CDH24: variants seen among roughly 807,000 people sequenced by gnomAD.
CDH24 encodes the protein cadherin-24.
CDH24 carries 61 observed loss-of-function variants against 71.2 expected under a neutral mutation model. That is an observed-to-expected ratio of 0.86 (90% CI 0.70 to 1.06). The LOEUF is 1.06. Ranked by LOEUF, CDH24 falls within the 50% of genes least tolerant of loss-of-function variation. The probability of loss-of-function intolerance (pLI) is 0.00; values close to 1 mark genes in which losing one functional copy is unlikely to be tolerated. For missense variants in CDH24, 961 were observed against 1,083.7 expected, an observed-to-expected ratio of 0.89 and a Z score of 1.59; for synonymous variants, 440 against 470.2, an observed-to-expected ratio of 0.94 and a Z score of 0.83.
Position 23,055,491 on chromosome 14 carries a change from AG to A in CDH24, c.201+41del, listed in dbSNP as rs778544633. 10 of 1,606,772 alleles carry A rather than the reference AG, an allele frequency of 6.2e-6. No homozygotes were observed. In the Admixed American group the frequency reaches 1.7e-4, roughly 27 times the overall value. On this transcript the variant is annotated intron_variant, in intron 2 of 12. Transcript: ENST00000487137. The surrounding 1 kb of genome is among the most constrained non-coding windows in gnomAD (Gnocchi z 4.1). ...TGATGAAGTTGCAGGGCAGGGCCTGAGGGCTTGGTGTCAGAGTAGACATGGG... is the reference window on the plus strand; with the variant it reads ...TGATGAAGTTGCAGGGCAGGGCCTGAGGCTTGGTGTCAGAGTAGACATGGG...
chr14:23,048,271 C>A lies in CDH24; in HGVS notation c.2055G>T (p.Leu685Phe). The A allele has an allele frequency of 6.5e-7, 1 of 1,541,256 alleles. No individual in the cohort carries two copies. The highest frequency in any genetic ancestry group is 8.7e-7 in the Non-Finnish European group (1 of 1,151,576). The change falls in exon 12 of 13, where the codon TTG becomes TTT. Residue 685 changes from leucine to phenylalanine, a missense_variant. Coordinates refer to ENST00000487137, the MANE Select transcript of CDH24 (RefSeq NM_144985.4). ...APGPPARRDV[L>F]PRARVSRQPR... The stretch of plus-strand genomic sequence containing the variant: ...GCTGGCGCGACACCCGGGCCCGGGG[C>A]AACACGTCTCGGCGCGCGGGAGGGC...
chr14:23,049,353 T>C (rs1490388610), intron 10 of CDH24, 78 bp from the exon 11 acceptor site: 9 of 1,382,140 alleles, frequency 6.5e-6, no homozygotes, highest in Non-Finnish European at 2.9e-6. Flanking sequence ...AGAGCCAGCT[T>C]CCCATAGAGC....
rs2047087584 is a variant in CDH24, at chr14:23,051,938, C to T, written c.1363+535G>A. 1.6e-6 allele frequency: 2 copies of T among 1,271,152 alleles called. No individual in the cohort carries two copies. The highest frequency in any genetic ancestry group is 2.6e-5 in the East Asian group (1 of 39,132). 78.7% of individuals were successfully genotyped at this position (1,271,152 alleles called of 1,614,324 possible). A position where few individuals can be genotyped will look rare whatever the true frequency, so the allele number is the denominator to read the frequency against. ...GGAGACCGCATATGGAGCTGGCACTCCTCCCCTTCCTTATGGTGTCCACTC... is the reference window on the plus strand; with the variant it reads ...GGAGACCGCATATGGAGCTGGCACTTCTCCCCTTCCTTATGGTGTCCACTC... On this transcript the variant is annotated intron_variant, in intron 8 of 12. Coordinates refer to ENST00000487137, the MANE Select transcript of CDH24 (RefSeq NM_144985.4). The surrounding 1 kb of genome is among the most constrained non-coding windows in gnomAD (Gnocchi z 4.4).
Position 23,053,685 on chromosome 14 carries a change from T to A in CDH24, c.1037A>T (p.Asp346Val). 6.2e-7 allele frequency: 1 copy of A among 1,613,714 alleles called. No homozygotes were observed. The highest frequency in any genetic ancestry group is 8.5e-7 in the Non-Finnish European group (1 of 1,179,890). The change falls in exon 7 of 13, where the codon GAC (aspartate) becomes GTC (valine). Residue 346 changes from aspartate (D) to valine (V), a missense_variant. Coordinates refer to ENST00000487137, the MANE Select transcript of CDH24 (RefSeq NM_144985.4). Reference sequence around the variant, plus strand: ...GGGCCCTCGCCGCAGATAGGCTGGGTCAATGAGCGTGTTGGTGGCCTCGAC... The same window carrying A: ...GGGCCCTCGCCGCAGATAGGCTGGGACAATGAGCGTGTTGGTGGCCTCGAC... ...FRVEATNTLI[D>V]PAYLRRGPFK... is the part of the protein sequence containing the mutation.
chr14:23,055,701 C>A lies in CDH24; in HGVS notation c.33G>T (p.Trp11Cys). ...GCCCCATGCAGCCCCAGCCACCCAGCCAGGCCAGCAGGAGCCTCACCAGGC... is the reference window on the plus strand; with the variant it reads ...GCCCCATGCAGCCCCAGCCACCCAGACAGGCCAGCAGGAGCCTCACCAGGC... MWGLVRLLLA[W>C]LGGWGCMGRL... Residue 11 changes from tryptophan to cysteine, a missense_variant, in exon 2 of 13, where the codon TGG becomes TGT. By Grantham distance (215) the Trp-to-Cys change is radical (BLOSUM62 -2). Around this residue, in one of 2 missense-constraint regions of CDH24, gnomAD observed 671 missense variants for 810.9 expected, o/e 0.83. Coordinates refer to ENST00000487137, the MANE Select transcript of CDH24 (RefSeq NM_144985.4). This position sits in a 1 kb window ranked among gnomAD's most constrained non-coding sequence, Gnocchi z 4.1. The A allele has an allele frequency of 6.3e-7, 1 of 1,597,856 alleles. No individual in the cohort carries two copies. Among genetic ancestry groups the A allele is most frequent in the South Asian group, 1.1e-5 (1 of 90,006 alleles).
Position 23,054,527 on chromosome 14 carries a change from TGTC to T in CDH24, c.760_762del (p.Asp254del), listed in dbSNP as rs757663117. ...TTACTCTGTGGGAACTTGGGGGGGT[TGTC>T]GTTGACATCGCTGAGCGTGACAGTC... On this transcript the variant is annotated inframe_deletion, in exon 5 of 13. Coordinates refer to ENST00000487137, the MANE Select transcript of CDH24 (RefSeq NM_144985.4). The surrounding 1 kb of genome is among the most constrained non-coding windows in gnomAD (Gnocchi z 5.2). 9.9e-6 allele frequency: 16 copies of T among 1,613,584 alleles called. No individual in the cohort carries two copies. The highest frequency in any genetic ancestry group is 1.4e-5 in the Non-Finnish European group (16 of 1,179,798).
At chr14:23,052,421 C>T (rs1266467456) in intron 8 of CDH24, 52 bp downstream of exon 8, 1 of 1,606,158 alleles carries the variant, frequency 6.2e-7, no homozygotes. Context: ...CACCCAGGGA[C>T]AGCTCCTCGG....
In CDH24 at chr14:23,048,056, TCCGCGGGGCCGGGGGCG is replaced by T. The variant is rs2047054445; in HGVS notation, c.2253_2269del (p.Pro753AlafsTer98). ...GAGCGGACCCCAGTCGTCCAGCGGC[TCCGCGGGGCCGGGGGCG>T]CCGCCGGCTTCGCTGCCGGAGCCCA... On this transcript the variant is annotated frameshift_variant, in exon 12 of 13. Transcript: ENST00000487137. LOFTEE classifies it high-confidence loss of function. 1 of 1,441,676 alleles carries T rather than the reference TCCGCGGGGCCGGGGGCG, an allele frequency of 6.9e-7. No individual in the cohort carries two copies. Among genetic ancestry groups the T allele is most frequent in the African/African-American group, 1.5e-5 (1 of 66,606 alleles). The allele number at this position is 1,441,676 out of a possible 1,614,324, so 89.3% of individuals were successfully genotyped here. A position where few individuals can be genotyped will look rare whatever the true frequency, so the allele number is the denominator to read the frequency against.
At position 23,055,918 on chromosome 14, in the gene CDH24, T is replaced by C. The variant is rs1376618532; in HGVS notation, c.-124-61A>G. 4 of 575,434 alleles carry C rather than the reference T, an allele frequency of 7.0e-6. No homozygotes were observed. The highest frequency in any genetic ancestry group is 4.7e-5 in the South Asian group (2 of 42,166). 35.6% of individuals were successfully genotyped at this position (575,434 alleles called of 1,614,324 possible). ...CCCTAGCCCTCCTCCCCCGCAAAAT[T>C]AGATGCTGAAGACCAGACCTCCAAG... On this transcript the variant is annotated intron_variant, in intron 1 of 12. Transcript: ENST00000487137. This position sits in a 1 kb window ranked among gnomAD's most constrained non-coding sequence, Gnocchi z 4.1.
rs367975656 is a variant in CDH24, at chr14:23,054,188, T to C, written c.925A>G (p.Ile309Val). The C allele has an allele frequency of 1.2e-6, 2 of 1,613,074 alleles. No homozygotes were observed. Among genetic ancestry groups the C allele is most frequent in the African/African-American group, 2.7e-5 (2 of 75,046 alleles). ...TCTCGACCCTGCAAGTCTGTGCTGA[T>C]GCTGAAGGCCTCAGACCCCTCCCCA... ...LDGEGSEAFS[I>V]STDLQGRDGL... Residue 309 changes from isoleucine (I) to valine (V), a missense_variant, in exon 6 of 13, where the codon ATC becomes GTC. Ile to Val is a conservative substitution (Grantham distance 29). Around this residue, in one of 2 missense-constraint regions of CDH24, gnomAD observed 671 missense variants for 810.9 expected, o/e 0.83. Coordinates refer to ENST00000487137, the MANE Select transcript of CDH24 (RefSeq NM_144985.4). The surrounding 1 kb of genome is among the most constrained non-coding windows in gnomAD (Gnocchi z 5.2).
rs1236076562 is a variant in CDH24 at position 23,048,172 on chromosome 14, G to A, written c.2154C>T (p.Gly718=). The A allele has an allele frequency of 5.2e-6, 7 of 1,351,914 alleles. No individual in the cohort carries two copies. The highest frequency in any genetic ancestry group is 5.7e-6 in the Non-Finnish European group (6 of 1,048,478). 83.7% of individuals were successfully genotyped at this position (1,351,914 alleles called of 1,614,324 possible). ...CCTGCACCGAGTCGTACGGGGGTAC[G>A]CCGGGGTCCTCGTCCGCCTCGCGGA... is the stretch of plus-strand genomic sequence containing the variant. ...LRLREADEDP[G]VPPYDSVQVY... is the part of the protein sequence containing the mutation. Residue 718 remains glycine (G), a synonymous_variant, in exon 12 of 13, where the codon GGC becomes GGT. Transcript: ENST00000487137.
At chr14:23,048,525 A>AGCGG (rs2047060815) in intron 11 of CDH24, 46 bp from the exon 12 acceptor site, 3 of 1,587,478 alleles carry the variant, frequency 1.9e-6, no homozygotes, top group Admixed American at 1.7e-5. Context: ...CAGGGCCGGG[A>AGCGG]GCGGGCGGCC....
At position 23,048,072 on chromosome 14, in the gene CDH24, C is replaced by A; in HGVS notation, c.2254G>T (p.Ala752Ser). 1 of 1,422,832 alleles carries A rather than the reference C, an allele frequency of 7.0e-7. No individual in the cohort carries two copies. Among genetic ancestry groups the A allele is most frequent in the Non-Finnish European group, 9.1e-7 (1 of 1,094,014 alleles). 88.1% of individuals were successfully genotyped at this position (1,422,832 alleles called of 1,614,324 possible). A position where few individuals can be genotyped will look rare whatever the true frequency, so the allele number is the denominator to read the frequency against. The change falls in exon 12 of 13, where the codon GCC becomes TCC. Residue 752 changes from alanine (A) to serine (S), a missense_variant. Coordinates refer to ENST00000487137, the MANE Select transcript of CDH24 (RefSeq NM_144985.4). ...TCCAGCGGCTCCGCGGGGCCGGGGG[C>A]GCCGCCGGCTTCGCTGCCGGAGCCC... ...SLGSGSEAGG[A>S]PGPAEPLDDW...
intron 8 of CDH24, among the ~76,000 whole-genome samples, chr14:23,050,334 TCAA>T (rs1302771724): frequency 1.3e-5 from 2 of 152,036 alleles, no homozygotes; most frequent in African/African-American, 4.8e-5. Context: ...CAATGTACAC[TCAA>T]CATTTAAAAC....
At chr14:23,052,759 G>T (rs2047094705) in intron 7 of CDH24, 150 bp from the exon 8 acceptor site, 2 of 743,952 alleles carry the variant, frequency 2.7e-6, no homozygotes, top group Non-Finnish European at 4.4e-6. Flanking sequence ...CCCTTAAAAG[G>T]CATATATCCC....
rs757992356 is a variant in CDH24 at position 23,054,734 on chromosome 14, G to A, written c.616+13C>T. ...CTTGGCTGCCCCACCGGGCTCCCAG[G>A]CTCCATCCTCACCAGTCTGGGGGTC... is the stretch of plus-strand genomic sequence containing the variant. On this transcript the variant is annotated intron_variant, in intron 4 of 12. Coordinates refer to ENST00000487137, the MANE Select transcript of CDH24 (RefSeq NM_144985.4). The surrounding 1 kb of genome is among the most constrained non-coding windows in gnomAD (Gnocchi z 5.2). 5 of 1,614,118 alleles carry A rather than the reference G, an allele frequency of 3.1e-6. No individual in the cohort carries two copies. The highest frequency in any genetic ancestry group is 1.7e-6 in the Non-Finnish European group (2 of 1,180,004).
At chr14:23,052,212 C>T (rs904064337) in intron 8 of CDH24, 6 of 735,246 alleles carry the variant, frequency 8.2e-6, no homozygotes, top group Admixed American at 4.4e-5. Context: ...AATGCTCAGG[C>T]ACACCCACTG....
Position 23,055,004 on chromosome 14 carries a change from A to C in CDH24, c.496+55T>G. On this transcript the variant is annotated intron_variant, in intron 3 of 12. Coordinates refer to ENST00000487137, the MANE Select transcript of CDH24 (RefSeq NM_144985.4). This position sits in a 1 kb window ranked among gnomAD's most constrained non-coding sequence, Gnocchi z 4.1. ...GGGCAGACAACAAGAAGGGAAGGAG[A>C]GGTGAGAGAGCTCCAGAAGACGGGA... 5 of 1,590,332 alleles carry C rather than the reference A, an allele frequency of 3.1e-6. No individual in the cohort carries two copies. Among genetic ancestry groups the C allele is most frequent in the Non-Finnish European group, 4.3e-6 (5 of 1,165,134 alleles).
Position 23,054,177 on chromosome 14 carries a change from G to C in CDH24, c.936C>G (p.Asp312Glu), listed in dbSNP as rs375236898. The C allele has an allele frequency of 6.2e-7, 1 of 1,612,240 alleles. No homozygotes were observed. The highest frequency in any genetic ancestry group is 8.5e-7 in the Non-Finnish European group (1 of 1,179,186). The stretch of plus-strand genomic sequence containing the variant: ...TGAGGAGCCCGTCTCGACCCTGCAA[G>C]TCTGTGCTGATGCTGAAGGCCTCAG... ...EGSEAFSIST[D>E]LQGRDGLLTV... Residue 312 changes from aspartate (D) to glutamate (E), a missense_variant, in exon 6 of 13, where the codon GAC (aspartate) becomes GAG (glutamate). Coordinates refer to ENST00000487137, the MANE Select transcript of CDH24 (RefSeq NM_144985.4). The surrounding 1 kb of genome is among the most constrained non-coding windows in gnomAD (Gnocchi z 5.2).
Sources: gnomAD v4.1 joint callset for allele counts (sites outside exome capture counted in the v4.1 genomes callset) on GRCh38, gnomAD v4.1.1 for gene constraint, gnomAD v4.1.1 regional missense constraint, Gnocchi (gnomAD v3.1) non-coding constraint, MANE v1.5 for transcripts, NCBI Gene and HGNC (gene_info 2026-07-23, HGNC 2026-07-21) for gene names.